PLK5: variants seen among roughly 807,000 people sequenced by gnomAD.
PLK5 encodes the protein inactive serine/threonine-protein kinase PLK5.
PLK5 carries 28 observed loss-of-function variants against 33.7 expected under a neutral mutation model. That is an observed-to-expected ratio of 0.83 (90% CI 0.62 to 1.14). The LOEUF is 1.14. Among genes scored for constraint, PLK5 ranks in the 50% most tolerant of loss-of-function variants. The probability of loss-of-function intolerance (pLI) is 0.00; values close to 1 mark genes in which losing one functional copy is unlikely to be tolerated. For missense variants in PLK5, 492 were observed against 461.5 expected (o/e 1.07, Z -0.61); for synonymous variants, 225 against 202.2 (o/e 1.11, Z -0.96).
In PLK5 at chr19:1,524,142, G is replaced by A. The variant is rs1913664272; in HGVS notation, c.-648G>A. 6.6e-6 allele frequency: 1 copy of A among 150,762 alleles called. No homozygotes were observed. Among genetic ancestry groups the A allele is most frequent in the Admixed American group, 6.6e-5 (1 of 15,134 alleles). 9.3% of individuals were successfully genotyped at this position (150,762 alleles called of 1,614,324 possible). A position where few individuals can be genotyped will look rare whatever the true frequency, so the allele number is the denominator to read the frequency against. ...CGGCTGCGCCAGAGTCCGCGCGATG[G>A]AGCCCCGGCCGCGGCGGCGGCGCAG... On this transcript the variant is annotated 5_prime_UTR_variant, in exon 1 of 14. Transcript: ENST00000454744. This position sits in a 1 kb window ranked among gnomAD's most constrained non-coding sequence, Gnocchi z 4.5.
intron 13 of PLK5, 114 bp downstream of exon 13, chr19:1,534,155 GAAAAAA>G (rs34242824): frequency 4.7e-5 from 25 of 528,628 alleles, no homozygotes; most frequent in South Asian, 1.0e-4. Context: ...TGCCTCCCAG[GAAAAAA>G]AAAAAAAAAA....
In PLK5 at chr19:1,529,399, A is replaced by C; in HGVS notation, c.406-7A>C. On this transcript the variant is annotated splice_polypyrimidine_tract_variant and splice_region_variant and intron_variant, in intron 9 of 13. Transcript: ENST00000454744. ...GGCCACCCCCACCCCTGCTGCTCCC[A>C]CCTCAGAGCTCCCTGTCTGCGAAAG... The C allele has an allele frequency of 6.5e-7, 1 of 1,535,346 alleles. No homozygotes were observed. The highest frequency in any genetic ancestry group is 2.4e-5 in the East Asian group (1 of 40,900).
In PLK5 at chr19:1,530,604, A is replaced by ATTTTT. The variant is rs759461067; in HGVS notation, c.568+809_568+813dup. On this transcript the variant is annotated intron_variant, in intron 11 of 13. Transcript: ENST00000454744. ...GTCGTCAGCCACCACGCCTGGGCGC[A>ATTTTT]TTTTTTTTTTTTTTTTTTTTTTTTT... is the stretch of plus-strand genomic sequence containing the variant. Among the ~76,000 whole-genome samples, 12 of 36,548 alleles carry ATTTTT rather than the reference A, an allele frequency of 3.3e-4. 1 individual carries two copies. The highest frequency in any genetic ancestry group is 1.5e-3 in the South Asian group (1 of 684). The allele number at this position is 36,548 out of a possible 152,430, so 24.0% of individuals were successfully genotyped here. A position where few individuals can be genotyped will look rare whatever the true frequency, so the allele number is the denominator to read the frequency against.
intron 11 of PLK5, 120 bp from the exon 12 acceptor site, chr19:1,531,618 C>T: frequency 8.0e-7 from 1 of 1,244,232 alleles, no homozygotes. Context: ...CCCCAAGCCT[C>T]TGTCCGGTCC....
In PLK5 at chr19:1,534,734, G is replaced by A. The variant is rs1394810565; in HGVS notation, c.826-331G>A. ...GGGGAGGCTGAGGCAGGAGAATGGC[G>A]TGAACCCGGGAGGCGGAGCTTGCAG... On this transcript the variant is annotated intron_variant, in intron 13 of 13. Coordinates refer to ENST00000454744, the MANE Select transcript of PLK5 (RefSeq NM_001243079.2). Among the ~76,000 whole-genome samples, 5 of 146,362 alleles carry A rather than the reference G, an allele frequency of 3.4e-5. No homozygotes were observed. In the East Asian group the frequency reaches 6.1e-4, roughly 18 times the overall value.
rs777104989 is a variant in PLK5 at position 1,528,972 on chromosome 19, G to A, written c.403G>A (p.Glu135Lys). Residue 135 changes from glutamate (E) to lysine (K), a missense_variant and splice_region_variant, in exon 9 of 14, where the codon GAG becomes AAG. By Grantham distance (56) the Glu-to-Lys change is moderately conservative. Transcript: ENST00000454744. ...PDPDSMEWDG[E>K]SSLSAKEVPC... ...CCCTGACTCCATGGAGTGGGACGGC[G>A]AGGTGAGACATCGGGGTGGGGGACA... 5.3e-6 allele frequency: 8 copies of A among 1,510,830 alleles called. No individual in the cohort carries two copies. The Middle Eastern group carries it at 5.2e-4, about 98-fold the overall frequency. The allele number at this position is 1,510,830 out of a possible 1,614,324, so 93.6% of individuals were successfully genotyped here.
In PLK5 at chr19:1,528,091, G is replaced by A. The variant is rs761312426; in HGVS notation, c.158G>A (p.Arg53Gln). Residue 53 changes from arginine (R) to glutamine (Q), a missense_variant, in exon 7 of 14, where the codon CGG (arginine) becomes CAG (glutamine). Arg to Gln is a conservative substitution (Grantham distance 43). Coordinates refer to ENST00000454744, the MANE Select transcript of PLK5 (RefSeq NM_001243079.2). The part of the protein sequence containing the change: ...VHLLAPNPAE[R>Q]PSLDHLLQDD... Reference sequence around the variant, plus strand: ...CTCCTAGCACCCAACCCGGCCGAGCGGCCCAGCCTGGACCACCTGCTGCAG... The same window carrying A: ...CTCCTAGCACCCAACCCGGCCGAGCAGCCCAGCCTGGACCACCTGCTGCAG... 65 of 1,535,768 alleles carry A rather than the reference G, an allele frequency of 4.2e-5. No individual in the cohort carries two copies. Among genetic ancestry groups the A allele is most frequent in the Non-Finnish European group, 5.2e-5 (60 of 1,146,790 alleles).
intron 9 of PLK5, 58 bp downstream of exon 9, chr19:1,529,032 G>A (rs891757830): frequency 2.9e-6 from 4 of 1,389,242 alleles, no homozygotes; most frequent in Non-Finnish European, 3.8e-6. Context: ...GCTGGCCCCT[G>A]CTAAAACCCC....
chr19:1,527,368 G>A (rs997670739), intron 6 of PLK5, among the ~76,000 whole-genome samples: 2 of 152,114 alleles, frequency 1.3e-5, no homozygotes, highest in Non-Finnish European at 2.9e-5. Flanking sequence ...TTGGGAGGCC[G>A]AGGCAGGAGG....
intron 13 of PLK5, 71 bp downstream of exon 13, chr19:1,534,112 G>T: frequency 1.6e-6 from 2 of 1,248,440 alleles, no homozygotes; most frequent in Non-Finnish European, 2.2e-6. Flanking sequence ...GGGCTGTTAC[G>T]GAGCAAGCTT....
intron 2 of PLK5, 88 bp from the exon 3 acceptor site, chr19:1,525,507 G>A (rs1305482864): frequency 6.5e-6 from 1 of 152,694 alleles, no homozygotes; most frequent in African/African-American, 2.4e-5. Flanking sequence ...CCAGCCCTGG[G>A]TGGCCATGAG....
At chr19:1,534,885 TC>T (rs1180025466) in intron 13 of PLK5, among the ~76,000 whole-genome samples, 179 bp from the exon 14 acceptor site, 1 of 151,716 alleles carries the variant, frequency 6.6e-6, no homozygotes, top group Non-Finnish European at 1.5e-5. Flanking sequence ...AGCCTCAGTT[TC>T]CCCAGGTGTA....
intron 13 of PLK5, 28 bp downstream of exon 13, chr19:1,534,069 C>A: frequency 6.6e-7 from 1 of 1,516,404 alleles, no homozygotes; most frequent in Non-Finnish European, 8.8e-7. Flanking sequence ...ACTCGGGGCA[C>A]TGGGGCTCGG....
At chr19:1,528,736 A>ACCTGCCCACACCTCCCG (rs1435992911) in intron 8 of PLK5, among the ~76,000 whole-genome samples, 162 bp from the exon 9 acceptor site, 4 of 124,456 alleles carry the variant, frequency 3.2e-5, no homozygotes, top group African/African-American at 1.2e-4. Flanking sequence ...ACCTGCCCCC[A>ACCTGCCCACACCTCCCG]CCTGCCCACA....
rs1913689163 is a variant in PLK5 at position 1,524,768 on chromosome 19, AG to A, written c.-544+524del. Among the ~76,000 whole-genome samples the A allele has an allele frequency of 7.3e-6, 1 of 137,500 alleles. No individual in the cohort carries two copies. The highest frequency in any genetic ancestry group is 2.1e-4 in the South Asian group (1 of 4,734). 90.2% of individuals were successfully genotyped at this position (137,500 alleles called of 152,430 possible). A position where few individuals can be genotyped will look rare whatever the true frequency, so the allele number is the denominator to read the frequency against. On this transcript the variant is annotated intron_variant, in intron 1 of 13. Coordinates refer to ENST00000454744, the MANE Select transcript of PLK5 (RefSeq NM_001243079.2). The surrounding 1 kb of genome is among the most constrained non-coding windows in gnomAD (Gnocchi z 4.5). ...TTGTGTGTTCATATGTGGTGTGTCT[AG>A]GAGTTGTGTGTTCATGTGTTTGTAT...
intron 13 of PLK5, among the ~76,000 whole-genome samples, chr19:1,534,415 G>A (rs1914026508): frequency 2.0e-5 from 3 of 151,222 alleles, no homozygotes; most frequent in Non-Finnish European, 2.9e-5. Flanking sequence ...GCTGAGGCAG[G>A]AGAATCGCTT....
chr19:1,526,827 C>A (rs1024693426), intron 5 of PLK5, 36 bp downstream of exon 5: 4 of 820,646 alleles, frequency 4.9e-6, no homozygotes, highest in Non-Finnish European at 7.9e-6. Flanking sequence ...GCAGTCCGTC[C>A]GGGTGGGCAC....
intron 10 of PLK5, 24 bp downstream of exon 10, chr19:1,529,514 C>G: frequency 6.5e-7 from 1 of 1,529,832 alleles, no homozygotes; most frequent in Non-Finnish European, 8.8e-7. Context: ...CGTCCCAGCC[C>G]GGGGCTGCAG....
Position 1,529,460 on chromosome 19 carries a change from G to A in PLK5, c.460G>A (p.Ala154Thr), listed in dbSNP as rs975385373. Residue 154 changes from alanine (A) to threonine (T), a missense_variant, in exon 10 of 14, where the codon GCA (alanine) becomes ACA (threonine). Transcript: ENST00000454744. The stretch of plus-strand genomic sequence containing the variant: ...CCTGGAAGGCCCCATCCACCTGGTC[G>A]CACAAGGGACCCTGCAGAGTGACCT... ...PCLEGPIHLV[A>T]QGTLQSDLAG... 18 of 1,535,994 alleles carry A rather than the reference G, an allele frequency of 1.2e-5. No individual in the cohort carries two copies. The highest frequency in any genetic ancestry group is 4.9e-5 in the East Asian group (2 of 40,912).
Sources: gnomAD v4.1 joint callset for allele counts (sites outside exome capture counted in the v4.1 genomes callset) on GRCh38, gnomAD v4.1.1 for gene constraint, Gnocchi (gnomAD v3.1) non-coding constraint, MANE v1.5 for transcripts, NCBI Gene and HGNC (gene_info 2026-07-23, HGNC 2026-07-21) for gene names.